ASB7: variants seen among roughly 807,000 people sequenced by gnomAD.
ASB7 encodes the protein ankyrin repeat and SOCS box protein 7.
Under a neutral mutation model 32.5 loss-of-function variants are expected in ASB7, and 4 were observed. That is an observed-to-expected ratio of 0.12 (90% CI 0.06 to 0.28). ASB7 has a LOEUF of 0.28. ASB7 is among the 10% of genes least tolerant of loss of function. ASB7 has a pLI of 1.00. For missense variants in ASB7, 181 were observed against 407.1 expected (o/e 0.44, Z 4.78); for synonymous variants, 172 against 155.6 (o/e 1.11, Z -0.78).
At chr15:100,627,642 G>A (rs528377874) in intron 4 of ASB7, among the ~76,000 whole-genome samples, 5 of 152,200 alleles carry the variant, frequency 3.3e-5, no homozygotes, top group East Asian at 1.9e-4. Context: ...AAAGATGCAA[G>A]TGCAGTGTTT....
At position 100,630,233 on chromosome 15, in the gene ASB7, A is replaced by G. The variant is rs139045068; in HGVS notation, c.817+191A>G. ...TATCACAAGATTTCATAAAAATTCA[A>G]TTGTGTTTCTAAATGTAATAGGGGT... On this transcript the variant is annotated intron_variant, in intron 5 of 5. Coordinates refer to ENST00000332783, the MANE Select transcript of ASB7 (RefSeq NM_198243.3). The G allele has an allele frequency of 3.1e-4, 401 of 1,287,712 alleles. No homozygotes were observed. In the African/African-American group the frequency reaches 5.5e-3, roughly 18 times the overall value. The allele number at this position is 1,287,712 out of a possible 1,614,324, so 79.8% of individuals were successfully genotyped here. A position where few individuals can be genotyped will look rare whatever the true frequency, so the allele number is the denominator to read the frequency against.
intron 2 of ASB7, among the ~76,000 whole-genome samples, chr15:100,603,903 A>G (rs184549593): frequency 2.0e-5 from 3 of 152,330 alleles, no homozygotes; most frequent in Admixed American, 1.3e-4. Context: ...TGTGAATGGT[A>G]TGAAGACAAC....
intron 4 of ASB7, among the ~76,000 whole-genome samples, chr15:100,616,180 T>A (rs1567112789): frequency 6.6e-6 from 1 of 152,182 alleles, no homozygotes; most frequent in Admixed American, 6.5e-5. Context: ...TTTTCTTTTT[T>A]TTTCTTGGAA....
At chr15:100,610,049 T>G (rs1242999118) in intron 3 of ASB7, among the ~76,000 whole-genome samples, 1 of 152,234 alleles carries the variant, frequency 6.6e-6, no homozygotes, top group East Asian at 1.9e-4. Flanking sequence ...TAAGGATGAT[T>G]GTGAGCATAG....
chr15:100,631,148 G>C (rs1183857347), intron 5 of ASB7, among the ~76,000 whole-genome samples: 1 of 152,158 alleles, frequency 6.6e-6, no homozygotes, highest in African/African-American at 2.4e-5. Flanking sequence ...TAAAGCGTAA[G>C]AAAAAATCAC....
intron 2 of ASB7, among the ~76,000 whole-genome samples, chr15:100,608,442 T>A (rs1004075437): frequency 6.6e-6 from 1 of 152,216 alleles, no homozygotes; most frequent in Non-Finnish European, 1.5e-5. Context: ...ACTCTTGATA[T>A]CCACTTTGTA....
rs1004298514 is a variant in ASB7 at position 100,624,911 on chromosome 15, A to AT, written c.212-4526_212-4525insT. Among the ~76,000 whole-genome samples the AT allele has an allele frequency of 3.7e-4, 56 of 152,038 alleles. 1 individual carries two copies. The highest frequency in any genetic ancestry group is 6.8e-4 in the Non-Finnish European group (46 of 67,968). ...TCCAGTCTATTGGTGTATAAAAAAA[A>AT]ATATTATGCCCAAGTAGTATTTACT... On this transcript the variant is annotated intron_variant, in intron 4 of 5. Coordinates refer to ENST00000332783, the MANE Select transcript of ASB7 (RefSeq NM_198243.3).
At chr15:100,607,520 CGT>C (rs377508832) in intron 2 of ASB7, among the ~76,000 whole-genome samples, 30 of 152,240 alleles carry the variant, frequency 2.0e-4, no homozygotes, top group African/African-American at 6.0e-4. Flanking sequence ...GTGTGCATGA[CGT>C]GTGTGTATGT....
intron 2 of ASB7, among the ~76,000 whole-genome samples, 187 bp downstream of exon 2, chr15:100,603,500 A>G (rs1304146562): frequency 7.4e-6 from 1 of 135,370 alleles, no homozygotes; most frequent in East Asian, 2.1e-4. Flanking sequence ...TAACTTCTCT[A>G]CCCAGGACAG....
intron 4 of ASB7, among the ~76,000 whole-genome samples, chr15:100,616,159 C>A (rs1046575773): frequency 6.6e-6 from 1 of 152,148 alleles, no homozygotes; most frequent in South Asian, 2.1e-4. Context: ...GTGTGATATA[C>A]CTGCCTCTCT....
In ASB7 at chr15:100,625,984, C is replaced by T. The variant is rs576733828; in HGVS notation, c.212-3453C>T. On this transcript the variant is annotated intron_variant, in intron 4 of 5. Coordinates refer to ENST00000332783, the MANE Select transcript of ASB7 (RefSeq NM_198243.3). ...TGGGGAGTACTGAACCTTGAACTTA[C>T]GTTATACCACACAGAAAAATTAATT... 3.9e-5 allele frequency among the ~76,000 whole-genome samples: 6 copies of T among 152,148 alleles called. No homozygotes were observed. The South Asian group carries it at 1.2e-3, about 32-fold the overall frequency.
chr15:100,624,543 A>G (rs56110200), intron 4 of ASB7, among the ~76,000 whole-genome samples: 43,137 of 152,174 alleles, frequency 0.28, 7,298 homozygotes, highest in South Asian at 0.42. Context: ...GCCATTAGGA[A>G]AAATGGACAG....
chr15:100,617,382 T>G (rs2039752681), intron 4 of ASB7, among the ~76,000 whole-genome samples: 1 of 152,260 alleles, frequency 6.6e-6, no homozygotes, highest in African/African-American at 2.4e-5. Flanking sequence ...AGCTGCAGCT[T>G]TGAGCCACAG....
rs1002182537 is a variant in ASB7 at position 100,630,318 on chromosome 15, T to G, written c.817+276T>G. On this transcript the variant is annotated intron_variant, in intron 5 of 5. Coordinates refer to ENST00000332783, the MANE Select transcript of ASB7 (RefSeq NM_198243.3). ...GACAGAGAGGAGAATTTTTTTTAAA[T>G]GAACAAAGATCTGTGTTAGAACAAG... The G allele has an allele frequency of 3.3e-5, 19 of 571,920 alleles. No homozygotes were observed. The South Asian group carries it at 8.0e-4, about 24-fold the overall frequency. The allele number at this position is 571,920 out of a possible 1,614,324, so 35.4% of individuals were successfully genotyped here. A position where few individuals can be genotyped will look rare whatever the true frequency, so the allele number is the denominator to read the frequency against.
intron 2 of ASB7, among the ~76,000 whole-genome samples, chr15:100,604,308 G>T (rs1367301232): frequency 6.6e-6 from 1 of 152,120 alleles, no homozygotes; most frequent in South Asian, 2.1e-4. Flanking sequence ...ATTCCTAAAG[G>T]GGGGATATAA....
chr15:100,632,607 TGTGGGCACCGCAGCC>T (rs1029378257), intron 5 of ASB7, among the ~76,000 whole-genome samples: 22 of 152,302 alleles, frequency 1.4e-4, no homozygotes, highest in African/African-American at 5.1e-4. Flanking sequence ...GCCCGCGTGC[TGTGGGCACCGCAGCC>T]CCAGGCATCA....
At chr15:100,618,283 AT>A (rs529887253) in intron 4 of ASB7, among the ~76,000 whole-genome samples, 23 of 146,880 alleles carry the variant, frequency 1.6e-4, no homozygotes, top group Non-Finnish European at 2.3e-4. Flanking sequence ...CACCCAGCTA[AT>A]TTTTTTTTTT....
chr15:100,620,653 G>A (rs1393489930), intron 4 of ASB7, among the ~76,000 whole-genome samples: 2 of 152,082 alleles, frequency 1.3e-5, no homozygotes, highest in South Asian at 4.1e-4. Flanking sequence ...TAGCCTCTCA[G>A]ACCAGGTTAG....
In ASB7 at chr15:100,602,650, A is replaced by G. The variant is rs2039555013; in HGVS notation, c.-669A>G. ...GGCCCAGTGCAAAGTGCATCCCGAA[A>G]GCCCCCTGTCCGGAGACCCCACGGC... On this transcript the variant is annotated 5_prime_UTR_variant, in exon 1 of 6. Coordinates refer to ENST00000332783, the MANE Select transcript of ASB7 (RefSeq NM_198243.3). The G allele has an allele frequency of 4.0e-6, 1 of 252,458 alleles. No individual in the cohort carries two copies. Among genetic ancestry groups the G allele is most frequent in the East Asian group, 7.5e-5 (1 of 13,384 alleles). The allele number at this position is 252,458 out of a possible 1,614,324, so 15.6% of individuals were successfully genotyped here.
Sources: allele counts gnomAD v4.1 joint callset (sites outside exome capture counted in the v4.1 genomes callset), GRCh38; gene constraint gnomAD v4.1.1; transcripts MANE v1.5; gene names NCBI Gene and HGNC (gene_info 2026-07-23, HGNC 2026-07-21).